PLD5: variants seen among roughly 807,000 people sequenced by gnomAD.
PLD5 encodes phospholipase D family member 5.
Under a neutral mutation model 61.1 loss-of-function variants are expected in PLD5, and 36 were observed. That is an observed-to-expected ratio of 0.59 (90% CI 0.45 to 0.78). The LOEUF (loss-of-function observed/expected upper bound fraction) is 0.78. Among genes scored for constraint, PLD5 ranks in the 30% least tolerant of loss-of-function variants. PLD5 has a pLI of 0.00. For missense variants in PLD5, 515 were observed against 644.4 expected (o/e 0.80, Z 2.17); for synonymous variants, 243 against 242.8 (o/e 1.00, Z -0.01).
intron 5 of PLD5, among the ~76,000 whole-genome samples, chr1:242,125,241 G>A (rs1305491961): frequency 2.0e-5 from 3 of 152,146 alleles, no homozygotes; most frequent in Non-Finnish European, 4.4e-5. Flanking sequence ...CATATAAGAA[G>A]TGTCTATCAC....
chr1:242,184,805 G>A (rs569059232), intron 5 of PLD5, among the ~76,000 whole-genome samples: 17 of 152,294 alleles, frequency 1.1e-4, no homozygotes, highest in African/African-American at 3.6e-4. Flanking sequence ...GGTGACTGTG[G>A]ATGGAAGAGC....
chr1:242,376,458 T>C (rs995178201), intron 1 of PLD5, among the ~76,000 whole-genome samples: 1 of 152,194 alleles, frequency 6.6e-6, no homozygotes, highest in Non-Finnish European at 1.5e-5. Flanking sequence ...CACAATTACT[T>C]ACTATTTATG....
intron 2 of PLD5, among the ~76,000 whole-genome samples, chr1:242,294,132 T>A (rs532786859): frequency 1.4e-4 from 21 of 152,304 alleles, no homozygotes; most frequent in Admixed American, 4.6e-4. Context: ...AGAGGCTGTA[T>A]AGCACTATTT....
At chr1:242,405,945 A>T (rs1572083115) in intron 1 of PLD5, among the ~76,000 whole-genome samples, 1 of 152,060 alleles carries the variant, frequency 6.6e-6, no homozygotes, top group African/African-American at 2.4e-5. Flanking sequence ...GCAATTTTAC[A>T]GTTTCACATG....
At chr1:242,128,056 C>T (rs1317589739) in intron 5 of PLD5, among the ~76,000 whole-genome samples, 1 of 152,138 alleles carries the variant, frequency 6.6e-6, no homozygotes, top group East Asian at 1.9e-4. Flanking sequence ...TCAAAGCTTG[C>T]ATGAGAATAT....
intron 1 of PLD5, among the ~76,000 whole-genome samples, chr1:242,356,742 A>G (rs1660774136): frequency 6.6e-6 from 1 of 152,006 alleles, no homozygotes; most frequent in Non-Finnish European, 1.5e-5. Flanking sequence ...CTTTCCTAGA[A>G]TATCTTACAC....
intron 1 of PLD5, among the ~76,000 whole-genome samples, chr1:242,490,410 A>T (rs1001772565): frequency 1.3e-5 from 2 of 152,220 alleles, no homozygotes; most frequent in Admixed American, 1.3e-4. Flanking sequence ...ATGTGTGCAC[A>T]TACAAATTTT....
chr1:242,179,644 T>A (rs1667389208), intron 5 of PLD5, among the ~76,000 whole-genome samples: 1 of 152,202 alleles, frequency 6.6e-6, no homozygotes, highest in South Asian at 2.1e-4. Flanking sequence ...GGCTCACGTC[T>A]GTAATCCCAG....
Position 242,163,365 on chromosome 1 carries a change from C to G in PLD5, c.736-38700G>C, listed in dbSNP as rs189852472. ...TCACTGTGTTAGCCAGGATGGTCTC[C>G]ATCTCCTGACCTCGTGATCCAGCTG... On this transcript the variant is annotated intron_variant, in intron 5 of 9. Transcript: ENST00000536534. Among the ~76,000 whole-genome samples the G allele has an allele frequency of 1.4e-3, 209 of 151,990 alleles. 3 individuals carry two copies. The highest frequency in any genetic ancestry group is 4.5e-3 in the African/African-American group (188 of 41,406).
At position 242,205,024 on chromosome 1, in the gene PLD5, T is replaced by C. The variant is rs541482941; in HGVS notation, c.735+14964A>G. Among the ~76,000 whole-genome samples the C allele has an allele frequency of 3.9e-5, 6 of 152,298 alleles. No individual in the cohort carries two copies. In the South Asian group the frequency reaches 1.2e-3, roughly 32 times the overall value. On this transcript the variant is annotated intron_variant, in intron 5 of 9. Transcript: ENST00000536534. ...TATCATATTTGAATTTGGGGGGCTTTAAGAGGAACTTTAATGGAATGGACT... is the reference window on the plus strand; with the variant it reads ...TATCATATTTGAATTTGGGGGGCTTCAAGAGGAACTTTAATGGAATGGACT...
chr1:242,149,876 G>A (rs189035598), intron 5 of PLD5, among the ~76,000 whole-genome samples: 2 of 151,386 alleles, frequency 1.3e-5, no homozygotes, highest in African/African-American at 4.8e-5. Flanking sequence ...TTTTTCTTTG[G>A]TCAGTCTGGC....
In PLD5 at chr1:242,107,787, T is replaced by C; in HGVS notation, c.1123A>G (p.Ser375Gly). ...CTTAAAAGGAGTCGAACTCTAACGC[T>C]TCGTAAAACTAATGCTTCTCTTATT... The part of the protein sequence containing the change: ...AKIREALVLR[S>G]VRVRLLLSFW... The change falls in exon 8 of 10, where the codon AGC becomes GGC. Residue 375 changes from serine to glycine, a missense_variant. Ser to Gly is a moderately conservative substitution (Grantham distance 56). This residue lies in a region of PLD5 where 450 missense variants were observed against 598.1 expected (regional missense o/e 0.75). Coordinates refer to ENST00000536534, the MANE Select transcript of PLD5 (RefSeq NM_001372062.1). 1 of 1,611,872 alleles carries C rather than the reference T, an allele frequency of 6.2e-7. No individual in the cohort carries two copies. The highest frequency in any genetic ancestry group is 8.5e-7 in the Non-Finnish European group (1 of 1,179,442).
At chr1:242,223,286 G>C (rs1050348678) in intron 4 of PLD5, among the ~76,000 whole-genome samples, 2 of 152,186 alleles carry the variant, frequency 1.3e-5, no homozygotes. Context: ...CACCCTGGGG[G>C]TTAGGATTTC....
intron 5 of PLD5, among the ~76,000 whole-genome samples, chr1:242,142,730 C>CTT (rs1161044489): frequency 4.0e-5 from 6 of 151,378 alleles, no homozygotes; most frequent in African/African-American, 1.5e-4. Context: ...CTCTCTCTCT[C>CTT]TCTCTCTCTC....
chr1:242,441,318 T>G (rs548370234), intron 1 of PLD5, among the ~76,000 whole-genome samples: 36 of 152,246 alleles, frequency 2.4e-4, no homozygotes, highest in Middle Eastern at 6.8e-3. Flanking sequence ...TATGGTATGT[T>G]TTTAGTAGGT....
chr1:242,390,722 T>A (rs1292221502), intron 1 of PLD5, among the ~76,000 whole-genome samples: 1 of 152,094 alleles, frequency 6.6e-6, no homozygotes, highest in Non-Finnish European at 1.5e-5. Flanking sequence ...ATGAAATCAG[T>A]CCCTGATCAG....
At chr1:242,241,870 T>C (rs1175007798) in intron 4 of PLD5, among the ~76,000 whole-genome samples, 1 of 3,334 alleles carries the variant, frequency 3.0e-4, no homozygotes, top group Admixed American at 2.5e-3. Flanking sequence ...CTTTACTTAC[T>C]ATATATATAT....
intron 1 of PLD5, among the ~76,000 whole-genome samples, chr1:242,364,049 A>T (rs1006515713): frequency 6.6e-6 from 1 of 152,140 alleles, no homozygotes; most frequent in Non-Finnish European, 1.5e-5. Flanking sequence ...AGACAGATGT[A>T]ATAGAGTAAT....
chr1:242,481,244 G>C (rs111856287), intron 1 of PLD5, among the ~76,000 whole-genome samples: 239 of 152,310 alleles, frequency 1.6e-3, no homozygotes, highest in African/African-American at 4.8e-3. Flanking sequence ...CCAAACTTGA[G>C]CCAAAGCAGG....
Sources: allele counts gnomAD v4.1 joint callset (sites outside exome capture counted in the v4.1 genomes callset), GRCh38; gene constraint gnomAD v4.1.1; regional missense constraint gnomAD v4.1.1; transcripts MANE v1.5; gene names NCBI Gene and HGNC (gene_info 2026-07-23, HGNC 2026-07-21).